The following WDPCP variants were observed in gnomAD, a reference collection of about 807,000 sequenced individuals.
The protein encoded by WDPCP is WD repeat-containing and planar cell polarity effector protein fritz homolog.
A neutral mutation model predicts 93.1 loss-of-function variants in WDPCP; 71 were observed. The ratio of observed to expected loss-of-function variants is 0.76; its 90% CI spans 0.63 to 0.93. WDPCP has a LOEUF of 0.93. Ranked by LOEUF, WDPCP falls within the 40% of genes least tolerant of loss-of-function variation. WDPCP has a pLI of 0.00. For synonymous variants in WDPCP, 315 were observed against 315.0 expected (o/e 1.00, Z 0.00); for missense variants, 844 against 887.4 (o/e 0.95, Z 0.62).
At chr2:63,691,438 C>G (rs1186490692) in intron 2 of WDPCP, among the ~76,000 whole-genome samples, 1 of 152,108 alleles carries the variant, frequency 6.6e-6, no homozygotes, top group Non-Finnish European at 1.5e-5. Flanking sequence ...AGTTGGAGAC[C>G]AGCCTGGCCA....
At chr2:63,383,413 G>C (rs1692478864) in intron 10 of WDPCP, among the ~76,000 whole-genome samples, 1 of 152,112 alleles carries the variant, frequency 6.6e-6, no homozygotes, top group Non-Finnish European at 1.5e-5. Context: ...GAAAAAGCCA[G>C]ATCTAAAATT....
chr2:63,313,396 T>C, intron 12 of WDPCP, 85 bp from the exon 13 acceptor site: 1 of 1,322,192 alleles, frequency 7.6e-7, no homozygotes, highest in Non-Finnish European at 1.1e-6. Context: ...ATATCTGTGA[T>C]ACTGTTTTTG....
intron 6 of WDPCP, among the ~76,000 whole-genome samples, chr2:63,452,186 GA>G (rs1698296574): frequency 6.6e-6 from 1 of 152,192 alleles, no homozygotes; most frequent in South Asian, 2.1e-4. Flanking sequence ...TGTATATCTA[GA>G]AAACCCCATC....
intron 10 of WDPCP, among the ~76,000 whole-genome samples, chr2:63,392,167 G>A (rs1220059114): frequency 6.6e-6 from 1 of 152,174 alleles, no homozygotes; most frequent in African/African-American, 2.4e-5. Context: ...AAAACAGCAT[G>A]GTACTGGTAC....
At chr2:63,270,342 A>G (rs1682526785) in intron 13 of WDPCP, among the ~76,000 whole-genome samples, 1 of 152,190 alleles carries the variant, frequency 6.6e-6, no homozygotes, top group African/African-American at 2.4e-5. Flanking sequence ...ACTCGTAAAT[A>G]AAACCAAGTG....
At chr2:63,332,324 G>C (rs905975783) in intron 12 of WDPCP, among the ~76,000 whole-genome samples, 6 of 151,992 alleles carry the variant, frequency 3.9e-5, no homozygotes, top group African/African-American at 1.4e-4. Flanking sequence ...CAATGCTCCA[G>C]TATGGTTATA....
chr2:63,592,927 T>C (rs1157406919), upstream of WDPCP, among the ~76,000 whole-genome samples: 1 of 151,958 alleles, frequency 6.6e-6, no homozygotes, highest in Non-Finnish European at 1.5e-5. Flanking sequence ...TTTCCTCACC[T>C]ACTCTACTTC....
chr2:63,330,226 A>T (rs1333828992), intron 12 of WDPCP, among the ~76,000 whole-genome samples: 1 of 152,196 alleles, frequency 6.6e-6, no homozygotes, highest in Non-Finnish European at 1.5e-5. Context: ...TTTTATGCAC[A>T]TTCTTGCCAG....
At chr2:63,470,430 T>C (rs931295422) in intron 6 of WDPCP, among the ~76,000 whole-genome samples, 3 of 152,074 alleles carry the variant, frequency 2.0e-5, no homozygotes, top group African/African-American at 4.8e-5. Flanking sequence ...AAATGACAAC[T>C]CCATTCTTCC....
chr2:63,229,305 T>C (rs1678608025), intron 14 of WDPCP: 4 of 152,330 alleles, frequency 2.6e-5, no homozygotes, highest in East Asian at 3.9e-4. Flanking sequence ...GTAAATTTAT[T>C]TGAGTTCTTT....
intron 2 of WDPCP, among the ~76,000 whole-genome samples, chr2:63,770,986 C>T (rs1006660331): frequency 2.6e-5 from 4 of 151,498 alleles, no homozygotes; most frequent in African/African-American, 9.7e-5. Context: ...AAATGTTATG[C>T]TAAAGTATAA....
chr2:63,451,780 C>G (rs1698266843), intron 6 of WDPCP, among the ~76,000 whole-genome samples: 3 of 152,308 alleles, frequency 2.0e-5, no homozygotes, highest in South Asian at 2.1e-4. Flanking sequence ...GGATGCAAGG[C>G]TGGTTCAACA....
chr2:63,338,560 AAAAAAAAAAATATATAT>A (rs1688578812), intron 12 of WDPCP, among the ~76,000 whole-genome samples: 2 of 60,848 alleles, frequency 3.3e-5, no homozygotes, highest in African/African-American at 1.6e-4. Context: ...CTAAAAAAAA[AAAAAAAAAAATATATAT>A]ATATATATAT....
intron 9 of WDPCP, among the ~76,000 whole-genome samples, chr2:63,429,767 T>C (rs1696591821): frequency 6.6e-6 from 1 of 151,862 alleles, no homozygotes; most frequent in Non-Finnish European, 1.5e-5. Flanking sequence ...CACTGTGGAG[T>C]GCAGTCTGGA....
At chr2:63,169,234 G>A (rs1202765275) in intron 15 of WDPCP, among the ~76,000 whole-genome samples, 1 of 152,096 alleles carries the variant, frequency 6.6e-6, no homozygotes. Flanking sequence ...TCTTCCTCTA[G>A]TATTCCTCAA....
At chr2:63,315,899 A>T (rs1020931008) in intron 12 of WDPCP, among the ~76,000 whole-genome samples, 4 of 151,904 alleles carry the variant, frequency 2.6e-5, no homozygotes, top group African/African-American at 9.7e-5. Context: ...AGCAGCTGTG[A>T]CTACAAGCAT....
chr2:63,130,984 A>C (rs1313559444), intron 17 of WDPCP, among the ~76,000 whole-genome samples: 1 of 152,050 alleles, frequency 6.6e-6, no homozygotes, highest in Non-Finnish European at 1.5e-5. Flanking sequence ...TTGAAAGTCT[A>C]TTTTATCTGA....
chr2:63,716,367 C>A (rs1167058223), intron 2 of WDPCP, among the ~76,000 whole-genome samples: 1 of 152,148 alleles, frequency 6.6e-6, no homozygotes, highest in Non-Finnish European at 1.5e-5. Flanking sequence ...GTAAGCTCCT[C>A]CCTACCCCAG....
At chr2:63,769,904 A>T (rs773592170) in intron 2 of WDPCP, among the ~76,000 whole-genome samples, 52 of 151,920 alleles carry the variant, frequency 3.4e-4, no homozygotes, top group Non-Finnish European at 6.6e-4. Context: ...CTCTAAGTTC[A>T]GAGTCACTAT....
Sources: gnomAD v4.1 joint callset for allele counts (sites outside exome capture counted in the v4.1 genomes callset) on GRCh38, gnomAD v4.1.1 for gene constraint, MANE v1.5 for transcripts, NCBI Gene and HGNC (gene_info 2026-07-23, HGNC 2026-07-21) for gene names.